The following SKAP1 variants were observed in gnomAD, a reference collection of about 807,000 sequenced individuals.
The protein encoded by SKAP1 is src kinase associated phosphoprotein 1.
SKAP1 carries 44 observed loss-of-function variants against 58.5 expected under a neutral mutation model. The observed-to-expected ratio is 0.75, with a 90% CI of 0.59 to 0.97. The LOEUF (loss-of-function observed/expected upper bound fraction) is 0.97. Among genes scored for constraint, SKAP1 ranks in the 50% least tolerant of loss-of-function variants. SKAP1 has a pLI of 0.00. For synonymous variants in SKAP1, 127 were observed against 149.7 expected (o/e 0.85, Z 1.11); for missense variants, 390 against 435.2 (o/e 0.90, Z 0.92).
At chr17:48,414,395 TCA>T (rs2067707198) in intron 1 of SKAP1, among the ~76,000 whole-genome samples, 1 of 151,996 alleles carries the variant, frequency 6.6e-6, no homozygotes, top group Non-Finnish European at 1.5e-5. Flanking sequence ...AGGTGAGAGA[TCA>T]CAGTTTAGTT....
chr17:48,158,599 A>G (rs989595925), intron 11 of SKAP1, among the ~76,000 whole-genome samples: 1 of 135,160 alleles, frequency 7.4e-6, no homozygotes, highest in Non-Finnish European at 1.6e-5. Flanking sequence ...AAAGAAAAAA[A>G]AAGATTCTCC....
chr17:48,247,009 G>A (rs562738064), intron 4 of SKAP1, among the ~76,000 whole-genome samples: 2 of 152,110 alleles, frequency 1.3e-5, no homozygotes, highest in African/African-American at 4.8e-5. Flanking sequence ...CATACCTCTC[G>A]CAGTCTCAAA....
intron 4 of SKAP1, among the ~76,000 whole-genome samples, chr17:48,213,653 C>T (rs567692878): frequency 2.0e-5 from 3 of 152,136 alleles, no homozygotes; most frequent in Non-Finnish European, 4.4e-5. Flanking sequence ...CACATTCTGC[C>T]TCCTATTTCC....
At chr17:48,325,476 G>T (rs934254496) in intron 4 of SKAP1, among the ~76,000 whole-genome samples, 1 of 152,014 alleles carries the variant, frequency 6.6e-6, no homozygotes, top group Non-Finnish European at 1.5e-5. Context: ...GGAGGTAAGG[G>T]TCATGTTTTA....
At chr17:48,199,008 T>C (rs1050931166) in intron 4 of SKAP1, among the ~76,000 whole-genome samples, 2 of 152,194 alleles carry the variant, frequency 1.3e-5, no homozygotes, top group African/African-American at 4.8e-5. Flanking sequence ...CTGAGTCAGA[T>C]CACGATTATA....
At chr17:48,149,643 GT>G (rs1207379342) in intron 11 of SKAP1, among the ~76,000 whole-genome samples, 1 of 152,072 alleles carries the variant, frequency 6.6e-6, no homozygotes, top group Admixed American at 6.5e-5. Flanking sequence ...CCTACCCTCG[GT>G]GGGGTCATGG....
chr17:48,145,029 A>G (rs1019208695), intron 11 of SKAP1, among the ~76,000 whole-genome samples: 2 of 152,196 alleles, frequency 1.3e-5, no homozygotes, highest in Admixed American at 6.5e-5. Flanking sequence ...GATGTTTTAG[A>G]TAAGAATATA....
At chr17:48,389,076 T>C (rs1460937565) in intron 2 of SKAP1, among the ~76,000 whole-genome samples, 3 of 152,248 alleles carry the variant, frequency 2.0e-5, no homozygotes, top group African/African-American at 7.2e-5. Context: ...ATAACATATC[T>C]TTTATAAACC....
intron 2 of SKAP1, among the ~76,000 whole-genome samples, chr17:48,373,609 G>A (rs1002791129): frequency 1.3e-5 from 2 of 152,220 alleles, no homozygotes; most frequent in Non-Finnish European, 2.9e-5. Context: ...TTAGGGAGTG[G>A]TTAGACAGAG....
intron 4 of SKAP1, among the ~76,000 whole-genome samples, chr17:48,215,074 C>T (rs1449316075): frequency 6.6e-6 from 1 of 152,028 alleles, no homozygotes; most frequent in African/African-American, 2.4e-5. Context: ...GTGTGAGTCA[C>T]TGCACCTGGC....
intron 4 of SKAP1, among the ~76,000 whole-genome samples, chr17:48,249,394 C>T (rs2065335320): frequency 6.6e-6 from 1 of 152,154 alleles, no homozygotes; most frequent in Non-Finnish European, 1.5e-5. Flanking sequence ...CAATTCTTGG[C>T]TGGGCACAGT....
intron 2 of SKAP1, among the ~76,000 whole-genome samples, chr17:48,364,924 C>A (rs1167572285): frequency 6.6e-6 from 1 of 151,790 alleles, no homozygotes; most frequent in African/African-American, 2.4e-5. Context: ...TGCTCTATCA[C>A]CCAAGCTGGA....
intron 4 of SKAP1, among the ~76,000 whole-genome samples, chr17:48,231,051 T>C (rs879462625): frequency 6.6e-6 from 1 of 152,162 alleles, no homozygotes; most frequent in African/African-American, 2.4e-5. Flanking sequence ...AAAGGATAGA[T>C]GCAGGCAGTG....
intron 11 of SKAP1, among the ~76,000 whole-genome samples, chr17:48,142,987 T>C (rs1032410021): frequency 3.3e-5 from 5 of 150,668 alleles, no homozygotes; most frequent in Non-Finnish European, 7.4e-5. Flanking sequence ...AAAACTTTTT[T>C]TTTTTTTTTT....
At chr17:48,192,777 A>G (rs1306121991) in intron 4 of SKAP1, among the ~76,000 whole-genome samples, 2 of 152,206 alleles carry the variant, frequency 1.3e-5, no homozygotes, top group Non-Finnish European at 2.9e-5. Context: ...CTGAAACCCA[A>G]GAATGCCACC....
chr17:48,147,404 C>T (rs1349549521), intron 11 of SKAP1, among the ~76,000 whole-genome samples: 1 of 152,154 alleles, frequency 6.6e-6, no homozygotes, highest in African/African-American at 2.4e-5. Flanking sequence ...TATTTTTACT[C>T]TGGATTTCCC....
intron 2 of SKAP1, among the ~76,000 whole-genome samples, chr17:48,368,433 A>G (rs2067038703): frequency 2.0e-5 from 3 of 152,226 alleles, no homozygotes; most frequent in African/African-American, 7.2e-5. Flanking sequence ...CCAAAATACA[A>G]AGACCACAAT....
chr17:48,422,373 A>C (rs997933416), intron 1 of SKAP1, among the ~76,000 whole-genome samples: 2 of 152,164 alleles, frequency 1.3e-5, no homozygotes, highest in Non-Finnish European at 2.9e-5. Flanking sequence ...AAAAAAATTT[A>C]ATTTTATTTA....
chr17:48,313,588 A>G (rs2066252701), intron 4 of SKAP1, among the ~76,000 whole-genome samples: 1 of 152,194 alleles, frequency 6.6e-6, no homozygotes, highest in South Asian at 2.1e-4. Context: ...TTTAAACAAA[A>G]AAACTAAAGA....
Sources: gnomAD v4.1 joint callset for allele counts (sites outside exome capture counted in the v4.1 genomes callset) on GRCh38, gnomAD v4.1.1 for gene constraint, MANE v1.5 for transcripts, NCBI Gene and HGNC (gene_info 2026-07-23, HGNC 2026-07-21) for gene names.